The following CLSTN2 variants were observed in gnomAD, a reference collection of about 807,000 sequenced individuals.
CLSTN2 encodes calsyntenin-2.
CLSTN2 carries 48 observed loss-of-function variants against 101.2 expected under a neutral mutation model. The observed-to-expected ratio is 0.47, with a 90% CI of 0.38 to 0.60. The LOEUF (loss-of-function observed/expected upper bound fraction) is 0.60, where lower values mean the gene tolerates loss of function less well. CLSTN2 is among the 20% of genes least tolerant of loss of function. The pLI, the probability that CLSTN2 is intolerant of heterozygous loss-of-function variation, is 0.00. For synonymous variants in CLSTN2, 481 were observed against 463.6 expected (o/e 1.04, Z -0.48); for missense variants, 1,160 against 1,238.2 (o/e 0.94, Z 0.95).
intron 6 of CLSTN2, 135 bp from the exon 7 acceptor site, chr3:140,459,384 CTA>C (rs1933498467): frequency 1.0e-6 from 1 of 976,982 alleles, no homozygotes; most frequent in African/African-American, 1.6e-5. Flanking sequence ...ACTTCTTTTC[CTA>C]AGTCACATAG....
At chr3:140,164,730 T>C (rs1215131417) in intron 1 of CLSTN2, among the ~76,000 whole-genome samples, 1 of 152,184 alleles carries the variant, frequency 6.6e-6, no homozygotes, top group Non-Finnish European at 1.5e-5. Flanking sequence ...TTTCCTAGCC[T>C]TGCTCTTGGT....
At chr3:140,086,410 C>T (rs2008681221) in intron 1 of CLSTN2, among the ~76,000 whole-genome samples, 1 of 152,170 alleles carries the variant, frequency 6.6e-6, no homozygotes, top group Non-Finnish European at 1.5e-5. Context: ...CCCTTTGTGA[C>T]TCAATATCTT....
At chr3:139,975,862 G>T (rs1935807660) in intron 1 of CLSTN2, among the ~76,000 whole-genome samples, 2 of 152,184 alleles carry the variant, frequency 1.3e-5, no homozygotes, top group South Asian at 4.2e-4. Context: ...ACAACAGGCT[G>T]CATTGGGTTC....
At chr3:140,280,493 T>A (rs1170398880) in intron 2 of CLSTN2, among the ~76,000 whole-genome samples, 1 of 152,158 alleles carries the variant, frequency 6.6e-6, no homozygotes, top group Non-Finnish European at 1.5e-5. Flanking sequence ...TGAGGAGAAT[T>A]CTTCACACTT....
At chr3:140,303,060 A>G (rs2107911005) in intron 2 of CLSTN2, among the ~76,000 whole-genome samples, 1 of 152,302 alleles carries the variant, frequency 6.6e-6, no homozygotes, top group East Asian at 1.9e-4. Flanking sequence ...CTTGTTGGGG[A>G]TGCATATGAA....
intron 1 of CLSTN2, among the ~76,000 whole-genome samples, chr3:139,977,342 T>C (rs1935835318): frequency 6.6e-6 from 1 of 152,084 alleles, no homozygotes; most frequent in Non-Finnish European, 1.5e-5. Flanking sequence ...AAGCACCTCA[T>C]GGTGGGAGAA....
At chr3:140,130,905 C>T (rs1009629753) in intron 1 of CLSTN2, among the ~76,000 whole-genome samples, 3 of 152,154 alleles carry the variant, frequency 2.0e-5, no homozygotes, top group African/African-American at 7.2e-5. Flanking sequence ...ACCCTTTACA[C>T]CATAGTTTCC....
rs1985332770 is a variant in CLSTN2, at chr3:140,567,597, A to G, written c.*1344A>G. The G allele has an allele frequency of 6.6e-6, 1 of 152,208 alleles. No homozygotes were observed. The highest frequency in any genetic ancestry group is 6.5e-5 in the Admixed American group (1 of 15,286). 9.4% of individuals were successfully genotyped at this position (152,208 alleles called of 1,614,324 possible). A position where few individuals can be genotyped will look rare whatever the true frequency, so the allele number is the denominator to read the frequency against. Reference sequence around the variant, plus strand: ...TGGTCTGTGATCTTTTGTGGCCAAGAGAATAGCAGGCAAGAATTAGGGCCT... The same window carrying G: ...TGGTCTGTGATCTTTTGTGGCCAAGGGAATAGCAGGCAAGAATTAGGGCCT... On this transcript the variant is annotated 3_prime_UTR_variant, in exon 17 of 17. Transcript: ENST00000458420.
At chr3:140,242,309 G>A (rs1423234032) in intron 2 of CLSTN2, among the ~76,000 whole-genome samples, 1 of 152,140 alleles carries the variant, frequency 6.6e-6, no homozygotes, top group Non-Finnish European at 1.5e-5. Flanking sequence ...TGTCACCATT[G>A]TTAAATACAT....
chr3:140,031,750 T>C (rs1199695403), intron 1 of CLSTN2, among the ~76,000 whole-genome samples: 1 of 152,188 alleles, frequency 6.6e-6, no homozygotes, highest in African/African-American at 2.4e-5. Flanking sequence ...TAGAGCTGGG[T>C]CCCCAACTGC....
intron 2 of CLSTN2, among the ~76,000 whole-genome samples, chr3:140,386,556 C>T (rs937328980): frequency 9.9e-5 from 15 of 152,228 alleles, no homozygotes; most frequent in African/African-American, 3.4e-4. Flanking sequence ...CGCTCCCACA[C>T]ACAGCTGTGC....
At chr3:139,990,591 GT>G (rs1936098412) in intron 1 of CLSTN2, among the ~76,000 whole-genome samples, 1 of 152,204 alleles carries the variant, frequency 6.6e-6, no homozygotes, top group South Asian at 2.1e-4. Context: ...AAAGTCCCTA[GT>G]TTATCAATAA....
At chr3:140,357,681 A>G (rs548860069) in intron 2 of CLSTN2, among the ~76,000 whole-genome samples, 7 of 152,292 alleles carry the variant, frequency 4.6e-5, no homozygotes, top group African/African-American at 1.4e-4. Context: ...CAGAGACTCC[A>G]CTATCTGTCT....
At chr3:140,068,412 A>C (rs1188076281) in intron 1 of CLSTN2, among the ~76,000 whole-genome samples, 1 of 152,216 alleles carries the variant, frequency 6.6e-6, no homozygotes, top group African/African-American at 2.4e-5. Flanking sequence ...CACTTGGTAG[A>C]TTACCCTCCT....
chr3:140,228,853 C>T (rs1003288429), intron 2 of CLSTN2, among the ~76,000 whole-genome samples: 1 of 152,160 alleles, frequency 6.6e-6, no homozygotes, highest in African/African-American at 2.4e-5. Context: ...GAAAGACCCG[C>T]CCCCATAATT....
Position 140,476,222 on chromosome 3 carries a change from C to T in CLSTN2, c.1344+9491C>T, listed in dbSNP as rs185151920. 3.3e-3 allele frequency among the ~76,000 whole-genome samples: 510 copies of T among 152,324 alleles called. 2 individuals are homozygous for T. The highest frequency in any genetic ancestry group is 0.014 in the South Asian group (67 of 4,826). On this transcript the variant is annotated intron_variant, in intron 8 of 16. Coordinates refer to ENST00000458420, the MANE Select transcript of CLSTN2 (RefSeq NM_022131.3). ...GAATCCTAATATGTAATGGCCAATTCGTTGCTAATCCTGCTTACTTGGGAG... is the reference window on the plus strand; with the variant it reads ...GAATCCTAATATGTAATGGCCAATTTGTTGCTAATCCTGCTTACTTGGGAG...
chr3:140,561,150 A>C (rs1354736206), intron 12 of CLSTN2, among the ~76,000 whole-genome samples: 1 of 152,078 alleles, frequency 6.6e-6, no homozygotes, highest in East Asian at 1.9e-4. Context: ...ACACTTTATA[A>C]ATAAATAAAT....
intron 5 of CLSTN2, among the ~76,000 whole-genome samples, chr3:140,422,163 T>C (rs557959004): frequency 4.1e-5 from 6 of 147,612 alleles, no homozygotes; most frequent in Non-Finnish European, 8.9e-5. Flanking sequence ...GCCTCCCTCT[T>C]ATATTCTCAT....
At chr3:140,228,235 G>C (rs1467259167) in intron 2 of CLSTN2, among the ~76,000 whole-genome samples, 1 of 152,086 alleles carries the variant, frequency 6.6e-6, no homozygotes, top group Non-Finnish European at 1.5e-5. Flanking sequence ...AATTTCTTCT[G>C]CCAGATACCC....
Sources: allele counts gnomAD v4.1 joint callset (sites outside exome capture counted in the v4.1 genomes callset), GRCh38; gene constraint gnomAD v4.1.1; transcripts MANE v1.5; gene names NCBI Gene and HGNC (gene_info 2026-07-23, HGNC 2026-07-21).